The following TTC34 variants were observed in gnomAD, a reference collection of about 807,000 sequenced individuals.
TTC34 encodes tetratricopeptide repeat domain 34.
TTC34 carries 44 observed loss-of-function variants against 40.7 expected under a neutral mutation model. The ratio of observed to expected loss-of-function variants is 1.08; its 90% confidence interval spans 0.85 to 1.39. The LOEUF (loss-of-function observed/expected upper bound fraction) is 1.39. TTC34 is among the 40% of genes most tolerant of loss of function. TTC34 has a pLI of 0.00. For synonymous variants in TTC34, 422 were observed against 398.6 expected (o/e 1.06, Z -0.70); for missense variants, 884 against 838.0 (o/e 1.05, Z -0.68).
intron 6 of TTC34, among the ~76,000 whole-genome samples, chr1:2,673,333 G>A (rs1165802603): frequency 3.0e-5 from 2 of 65,580 alleles, no homozygotes; most frequent in East Asian, 3.2e-4. Flanking sequence ...AGAGCATCCG[G>A]CAGCCTGGAG....
chr1:2,754,827 GA>G (rs1641451544), intron 6 of TTC34, among the ~76,000 whole-genome samples: 1 of 150,580 alleles, frequency 6.6e-6, no homozygotes, highest in Admixed American at 6.6e-5. Context: ...ACCCCCAGGT[GA>G]GCATCTGACA....
chr1:2,787,356 G>GA (rs1643603837), intron 4 of TTC34, 125 bp downstream of exon 4: 4 of 835,724 alleles, frequency 4.8e-6, no homozygotes, highest in African/African-American at 3.5e-5. Flanking sequence ...AGCTGGGGCT[G>GA]AATGCAGTCG....
At chr1:2,694,973 C>G (rs1290237263) in intron 6 of TTC34, among the ~76,000 whole-genome samples, 1 of 151,536 alleles carries the variant, frequency 6.6e-6, no homozygotes, top group Non-Finnish European at 1.5e-5. Context: ...CATCTGACAG[C>G]CTGGAGCAGC....
At chr1:2,642,813 GC>G (rs1638934730) in intron 8 of TTC34, among the ~76,000 whole-genome samples, 1 of 152,190 alleles carries the variant, frequency 6.6e-6, no homozygotes, top group Non-Finnish European at 1.5e-5. Flanking sequence ...CGAGGCCCAC[GC>G]CCGGGGTCCG....
At chr1:2,652,767 C>T (rs1208009245) in intron 6 of TTC34, among the ~76,000 whole-genome samples, 2 of 151,668 alleles carry the variant, frequency 1.3e-5, no homozygotes, top group African/African-American at 2.4e-5. Context: ...CACCCTGCAC[C>T]CCCAGGTGAG....
chr1:2,749,589 G>C (rs1569686547), intron 6 of TTC34, among the ~76,000 whole-genome samples: 1 of 107,734 alleles, frequency 9.3e-6, no homozygotes, highest in Non-Finnish European at 1.8e-5. Context: ...CGACAGCCTG[G>C]AGCAGCACCC....
At chr1:2,692,322 C>T (rs570574716) in intron 6 of TTC34, among the ~76,000 whole-genome samples, 1 of 67,094 alleles carries the variant, frequency 1.5e-5, no homozygotes, top group Non-Finnish European at 3.5e-5. Context: ...GAGCATCTGA[C>T]AGCCTGGAGC....
At position 2,756,706 on chromosome 1, in the gene TTC34, C is replaced by T. The variant is rs1641518783; in HGVS notation, c.2226+26903G>A. ...CTGAAATCCTGGAACAGCACCCACA[C>T]CCCTAGGTGAGCATCTGACAGGCTG... is the stretch of plus-strand genomic sequence containing the variant. On this transcript the variant is annotated intron_variant, in intron 6 of 8. Coordinates refer to ENST00000401095, the Ensembl canonical transcript of TTC34. Among the ~76,000 whole-genome samples, 2 of 10,160 alleles carry T rather than the reference C, an allele frequency of 2.0e-4. 1 individual carries two copies. Among genetic ancestry groups the T allele is most frequent in the Non-Finnish European group, 3.4e-4 (2 of 5,926 alleles). The allele number at this position is 10,160 out of a possible 152,430, so 6.7% of individuals were successfully genotyped here.
At chr1:2,682,026 C>T (rs548377365) in intron 6 of TTC34, among the ~76,000 whole-genome samples, 2 of 111,612 alleles carry the variant, frequency 1.8e-5, no homozygotes, top group African/African-American at 3.6e-5. Context: ...ACACCCATAC[C>T]CACAGGTGAG....
chr1:2,775,790 T>C (rs112321525), intron 6 of TTC34, among the ~76,000 whole-genome samples: 53 of 140,322 alleles, frequency 3.8e-4, no homozygotes, highest in South Asian at 8.7e-4. Flanking sequence ...AACACTCGAA[T>C]CTTCAGGTGA....
At chr1:2,798,563 C>A in intron 2 of TTC34, among the ~76,000 whole-genome samples, 1 of 122,712 alleles carries the variant, frequency 8.1e-6, no homozygotes, top group Non-Finnish European at 1.7e-5. Context: ...CCCAGCCTCC[C>A]AGCCTCCCAG....
intron 6 of TTC34, among the ~76,000 whole-genome samples, chr1:2,688,077 G>A (rs796720459): frequency 0.024 from 903 of 37,292 alleles, no homozygotes; most frequent in African/African-American, 0.057. Flanking sequence ...GCCTGGAACA[G>A]CACCCTGCAC....
chr1:2,751,344 A>C (rs1641312353), intron 6 of TTC34, among the ~76,000 whole-genome samples: 1 of 145,818 alleles, frequency 6.9e-6, no homozygotes, highest in East Asian at 2.1e-4. Context: ...CGAGCATCTG[A>C]CAGCCTGGGT....
chr1:2,768,180 C>A (rs1056087159), intron 6 of TTC34, among the ~76,000 whole-genome samples: 2 of 151,868 alleles, frequency 1.3e-5, no homozygotes, highest in Admixed American at 6.6e-5. Context: ...AGGTGAGCAT[C>A]TGACAGCCTG....
At chr1:2,751,896 G>T (rs1482690494) in intron 6 of TTC34, among the ~76,000 whole-genome samples, 2 of 117,060 alleles carry the variant, frequency 1.7e-5, no homozygotes, top group Non-Finnish European at 3.4e-5. Context: ...ACACCCCCAG[G>T]TGAGCATCTG....
chr1:2,792,068 G>GTGC (rs1302189462), intron 2 of TTC34, among the ~76,000 whole-genome samples: 2 of 125,898 alleles, frequency 1.6e-5, no homozygotes, highest in East Asian at 5.1e-4. Flanking sequence ...CCAGGCTGGA[G>GTGC]TGCAGTGGTG....
chr1:2,756,634 T>A (rs1286284985), intron 6 of TTC34, among the ~76,000 whole-genome samples: 557 of 111,036 alleles, frequency 5.0e-3, no homozygotes, highest in African/African-American at 0.012. Flanking sequence ...CACCCCCAGG[T>A]GAGCATCTGA....
intron 6 of TTC34, among the ~76,000 whole-genome samples, chr1:2,688,538 C>A (rs1421892793): frequency 7.3e-6 from 1 of 136,496 alleles, no homozygotes; most frequent in Admixed American, 7.3e-5. Context: ...CACCCACAGG[C>A]GAGCACCTGA....
rs1638903076 is a variant in TTC34 at position 2,641,543 on chromosome 1, G to GC, written c.3064dup (p.Ala1022GlyfsTer74). On this transcript the variant is annotated frameshift_variant, in exon 9 of 9. Transcript: ENST00000401095. LOFTEE classifies it low-confidence loss of function (END_TRUNC). ...GAGAAGGAACATGCGTGCAGTGGGG[G>GC]CCCGGCCTGGCTGCCTGCACAGGCT... The GC allele has an allele frequency of 2.6e-6, 4 of 1,533,836 alleles. No individual in the cohort carries two copies. The highest frequency in any genetic ancestry group is 3.5e-6 in the Non-Finnish European group (4 of 1,145,832).
Sources: allele counts gnomAD v4.1 joint callset (sites outside exome capture counted in the v4.1 genomes callset), GRCh38; gene constraint gnomAD v4.1.1; transcripts MANE v1.5; gene names NCBI Gene and HGNC (gene_info 2026-07-23, HGNC 2026-07-21).